PHF21B: variants seen among roughly 807,000 people sequenced by gnomAD.
The protein encoded by PHF21B is PHD finger protein 21B, also known as PHD finger protein 4.
PHF21B carries 22 observed loss-of-function variants against 62.2 expected under a neutral mutation model. The ratio of observed to expected loss-of-function variants is 0.35; its 90% CI spans 0.25 to 0.51. The LOEUF (loss-of-function observed/expected upper bound fraction) is 0.51. Ranked by LOEUF, PHF21B falls within the 20% of genes least tolerant of loss-of-function variation. The pLI, the probability that PHF21B is intolerant of heterozygous loss-of-function variation, is 0.97. For synonymous variants in PHF21B, 341 were observed against 314.7 expected (o/e 1.08, Z -0.88); for missense variants, 701 against 707.9 (o/e 0.99, Z 0.11).
chr22:45,004,636 G>A (rs1009812263), intron 2 of PHF21B, among the ~76,000 whole-genome samples: 13 of 152,152 alleles, frequency 8.5e-5, no homozygotes, highest in African/African-American at 2.2e-4. Context: ...AGGAGAGTTC[G>A]GAAAACAGAA....
intron 2 of PHF21B, among the ~76,000 whole-genome samples, chr22:44,997,431 G>A (rs1012153302): frequency 3.3e-5 from 5 of 152,094 alleles, no homozygotes; most frequent in South Asian, 2.1e-4. Context: ...GGAGGTGGAC[G>A]TGGGCAATGT....
chr22:44,929,777 C>T (rs1270331177), intron 2 of PHF21B, among the ~76,000 whole-genome samples: 4 of 152,220 alleles, frequency 2.6e-5, no homozygotes, highest in African/African-American at 9.6e-5. Context: ...CTCAGTCCTG[C>T]GCGCCTCTGT....
At chr22:44,897,850 C>A (rs902587470) in intron 5 of PHF21B, among the ~76,000 whole-genome samples, 1 of 152,054 alleles carries the variant, frequency 6.6e-6, no homozygotes, top group Non-Finnish European at 1.5e-5. Flanking sequence ...ACTCTGTCAA[C>A]CAGGCTGGAG....
At chr22:44,974,056 A>G (rs571734883) in intron 2 of PHF21B, among the ~76,000 whole-genome samples, 1 of 152,324 alleles carries the variant, frequency 6.6e-6, no homozygotes, top group East Asian at 1.9e-4. Context: ...GGCTGAGGCC[A>G]CAGCAGACAG....
rs2073383183 is a variant in PHF21B at position 45,009,316 on chromosome 22, G to C, written c.54+180C>G. 1.5e-6 allele frequency: 1 copy of C among 651,762 alleles called. No individual in the cohort carries two copies. The highest frequency in any genetic ancestry group is 2.5e-6 in the Non-Finnish European group (1 of 398,916). 40.4% of individuals were successfully genotyped at this position (651,762 alleles called of 1,614,324 possible). On this transcript the variant is annotated intron_variant, in intron 1 of 12. Transcript: ENST00000313237. This position sits in a 1 kb window ranked among gnomAD's most constrained non-coding sequence, Gnocchi z 5.9. ...ACTGTGCAGGACAGCGCCAGGGGCA[G>C]GCGGAGGGGAGCCCAGAAGGGGGTC...
intron 2 of PHF21B, among the ~76,000 whole-genome samples, chr22:45,007,110 G>T (rs1350508711): frequency 2.0e-5 from 3 of 148,126 alleles, no homozygotes; most frequent in South Asian, 2.2e-4. Context: ...GGGCGGGGGG[G>T]CCGCGGCACC....
chr22:44,996,319 G>A (rs140339189), intron 2 of PHF21B, among the ~76,000 whole-genome samples: 176 of 152,246 alleles, frequency 1.2e-3, no homozygotes, highest in Non-Finnish European at 1.9e-3. Context: ...GTGTCAGGGA[G>A]CATCCGCCAG....
intron 2 of PHF21B, among the ~76,000 whole-genome samples, chr22:44,980,488 G>A (rs892988346): frequency 6.6e-6 from 1 of 152,242 alleles, no homozygotes; most frequent in Non-Finnish European, 1.5e-5. Flanking sequence ...ATGCAGCACA[G>A]GCCACATCTC....
intron 2 of PHF21B, among the ~76,000 whole-genome samples, chr22:45,006,923 C>A (rs145113683): frequency 7.0e-4 from 106 of 151,948 alleles, no homozygotes; most frequent in Middle Eastern, 3.4e-3. Flanking sequence ...TTGTGCTCTG[C>A]GGAAAAGGGT....
At chr22:44,897,416 G>A (rs541583611) in intron 5 of PHF21B, among the ~76,000 whole-genome samples, 7 of 152,176 alleles carry the variant, frequency 4.6e-5, no homozygotes, top group South Asian at 2.1e-4. Context: ...CTCCTATGGC[G>A]TATGATGTTA....
At chr22:44,972,894 C>T (rs1003730331) in intron 2 of PHF21B, among the ~76,000 whole-genome samples, 4 of 152,100 alleles carry the variant, frequency 2.6e-5, no homozygotes, top group African/African-American at 9.7e-5. Context: ...CCAAGTAGGC[C>T]AAGGAAGTAG....
intron 2 of PHF21B, among the ~76,000 whole-genome samples, chr22:44,949,487 T>C (rs189074164): frequency 6.6e-6 from 1 of 152,300 alleles, no homozygotes; most frequent in East Asian, 1.9e-4. Flanking sequence ...GCAGCCACTT[T>C]ATCTGCCGAC....
chr22:44,887,367 G>A (rs1279410413), intron 10 of PHF21B, among the ~76,000 whole-genome samples: 1 of 152,118 alleles, frequency 6.6e-6, no homozygotes, highest in Non-Finnish European at 1.5e-5. Context: ...CAGCTGTAAA[G>A]CCTGTTTTTT....
At chr22:44,984,227 C>A (rs866292856) in intron 2 of PHF21B, among the ~76,000 whole-genome samples, 6 of 148,230 alleles carry the variant, frequency 4.0e-5, no homozygotes, top group South Asian at 4.4e-4. Flanking sequence ...ACCACCATCA[C>A]CATCACCACC....
chr22:44,963,558 GAAGGA>G lies in PHF21B; in HGVS notation c.121-43073_121-43069del, dbSNP rs2072466520. Reference sequence around the variant, plus strand: ...ATCATCCCCAGCAAGAAGTGGGGCTGAAGGACGAAAGAAGAGAACGGATAAGAAGA... The same window carrying G: ...ATCATCCCCAGCAAGAAGTGGGGCTGCGAAAGAAGAGAACGGATAAGAAGA... On this transcript the variant is annotated intron_variant, in intron 2 of 12. Coordinates refer to ENST00000313237, the MANE Select transcript of PHF21B (RefSeq NM_138415.5). Among the ~76,000 whole-genome samples the G allele has an allele frequency of 3.9e-5, 6 of 152,352 alleles. No individual in the cohort carries two copies. In the South Asian group the frequency reaches 1.2e-3, roughly 32 times the overall value.
At chr22:44,913,128 G>C (rs1028507861) in intron 5 of PHF21B, among the ~76,000 whole-genome samples, 3 of 152,182 alleles carry the variant, frequency 2.0e-5, no homozygotes, top group Non-Finnish European at 4.4e-5. Context: ...GCTTCAATAT[G>C]AGCTTATTTA....
In PHF21B at chr22:44,936,212, T is replaced by C. The variant is rs541351692; in HGVS notation, c.121-15722A>G. Among the ~76,000 whole-genome samples, 44 of 152,330 alleles carry C rather than the reference T, an allele frequency of 2.9e-4. 1 individual carries two copies. The South Asian group carries it at 3.9e-3, about 14-fold the overall frequency. ...CCGGGAGAGCTACGGAACGGGGCTGTGGGGTCCGCCTTGTCACCTGCATGA... is the reference window on the plus strand; with the variant it reads ...CCGGGAGAGCTACGGAACGGGGCTGCGGGGTCCGCCTTGTCACCTGCATGA... On this transcript the variant is annotated intron_variant, in intron 2 of 12. Transcript: ENST00000313237.
At chr22:45,005,487 A>G (rs1345023644) in intron 2 of PHF21B, among the ~76,000 whole-genome samples, 1 of 152,242 alleles carries the variant, frequency 6.6e-6, no homozygotes, top group African/African-American at 2.4e-5. Flanking sequence ...CACAGAAAAC[A>G]TATCTCTATC....
At chr22:44,927,436 C>G (rs570480762) in intron 2 of PHF21B, among the ~76,000 whole-genome samples, 2 of 152,204 alleles carry the variant, frequency 1.3e-5, no homozygotes, top group East Asian at 3.9e-4. Flanking sequence ...GGACCTACAG[C>G]CCCAGCACCA....
Sources: allele counts gnomAD v4.1 joint callset (sites outside exome capture counted in the v4.1 genomes callset), GRCh38; gene constraint gnomAD v4.1.1; non-coding constraint Gnocchi (gnomAD v3.1); transcripts MANE v1.5; gene names NCBI Gene and HGNC (gene_info 2026-07-23, HGNC 2026-07-21).